The following PDCD1LG2 variants were observed in gnomAD, a reference collection of about 807,000 sequenced individuals.
The protein encoded by PDCD1LG2 is B7 dendritic cell molecule.
In PDCD1LG2, 32 loss-of-function variants were observed where a neutral mutation model predicts 28.2. The observed-to-expected ratio is 1.13, with a 90% confidence interval of 0.86 to 1.52. The LOEUF (loss-of-function observed/expected upper bound fraction) is 1.52, where lower values mean the gene tolerates loss of function less well. Ranked by LOEUF, PDCD1LG2 falls within the 40% of genes most tolerant of loss-of-function variation. The pLI is 0.00. For synonymous variants in PDCD1LG2, 116 were observed against 120.2 expected (o/e 0.97, Z 0.23); for missense variants, 385 against 323.8 (o/e 1.19, Z -1.45).
rs889815798 is a variant in PDCD1LG2, at chr9:5,569,196, G to A, written c.817-758G>A. On this transcript the variant is annotated intron_variant, in intron 6 of 6. Transcript: ENST00000397747. This position sits in a 1 kb window ranked among gnomAD's most constrained non-coding sequence, Gnocchi z 4.1. ...GTTAGATCCTAGCAGGAAATGGAGG[G>A]TATGCTTAGAAGAGGTAACTGAGGC... 3.3e-5 allele frequency among the ~76,000 whole-genome samples: 5 copies of A among 152,284 alleles called. No homozygotes were observed. The South Asian group carries it at 1.0e-3, about 32-fold the overall frequency.
At chr9:5,540,737 A>G (rs551150436) in intron 3 of PDCD1LG2, among the ~76,000 whole-genome samples, 2 of 152,312 alleles carry the variant, frequency 1.3e-5, no homozygotes, top group East Asian at 3.9e-4. Flanking sequence ...TGTCAACAAA[A>G]AAAAATCCAG....
At chr9:5,567,143 T>C (rs1816682280) in intron 6 of PDCD1LG2, among the ~76,000 whole-genome samples, 2 of 152,204 alleles carry the variant, frequency 1.3e-5, no homozygotes, top group South Asian at 2.1e-4. Context: ...ATACATTATA[T>C]AGGACTCTTC....
At chr9:5,559,949 T>C (rs1055477337) in intron 5 of PDCD1LG2, among the ~76,000 whole-genome samples, 1 of 152,212 alleles carries the variant, frequency 6.6e-6, no homozygotes, top group African/African-American at 2.4e-5. Flanking sequence ...AGTTTTCTCA[T>C]ACAATATTGT....
intron 5 of PDCD1LG2, among the ~76,000 whole-genome samples, chr9:5,560,850 C>A (rs1353023818): frequency 6.6e-6 from 1 of 152,106 alleles, no homozygotes; most frequent in African/African-American, 2.4e-5. Flanking sequence ...CATTATTGGT[C>A]CATAAAAGGT....
At chr9:5,527,496 C>T (rs1414965997) in intron 2 of PDCD1LG2, among the ~76,000 whole-genome samples, 1 of 152,150 alleles carries the variant, frequency 6.6e-6, no homozygotes, top group Non-Finnish European at 1.5e-5. Context: ...TAATTTATAC[C>T]TGTTTGCTGT....
In PDCD1LG2 at chr9:5,549,607, A is replaced by C; in HGVS notation, c.631+3A>C. 6.2e-7 allele frequency: 1 copy of C among 1,614,082 alleles called. No homozygotes were observed. The highest frequency in any genetic ancestry group is 1.1e-5 in the South Asian group (1 of 91,078). On this transcript the variant is annotated splice_donor_region_variant and intron_variant, in intron 4 of 6. Transcript: ENST00000397747. ...TTTGGCCAGCATTGACCTTCAAAGTAAGAGCTGCCCCCACTTCCTAGGTCT... is the reference window on the plus strand; with the variant it reads ...TTTGGCCAGCATTGACCTTCAAAGTCAGAGCTGCCCCCACTTCCTAGGTCT...
intron 4 of PDCD1LG2, among the ~76,000 whole-genome samples, chr9:5,550,695 CTCTCT>C (rs1349594162): frequency 1.4e-5 from 2 of 140,748 alleles, no homozygotes; most frequent in African/African-American, 5.4e-5. Flanking sequence ...ATCTCTCTCT[CTCTCT>C]TTTTTTTTTT....
At chr9:5,545,704 TA>T (rs1291196380) in intron 3 of PDCD1LG2, among the ~76,000 whole-genome samples, 1 of 152,180 alleles carries the variant, frequency 6.6e-6, no homozygotes, top group African/African-American at 2.4e-5. Flanking sequence ...TCATCTCTAT[TA>T]CAACTGATAG....
intron 3 of PDCD1LG2, among the ~76,000 whole-genome samples, chr9:5,545,563 A>G (rs1383935302): frequency 6.6e-6 from 1 of 152,224 alleles, no homozygotes; most frequent in East Asian, 1.9e-4. Context: ...ATGATAAAAG[A>G]GTGAGTTCTA....
chr9:5,561,442 C>G (rs1013024914), intron 5 of PDCD1LG2, among the ~76,000 whole-genome samples: 2 of 152,186 alleles, frequency 1.3e-5, no homozygotes, highest in African/African-American at 4.8e-5. Flanking sequence ...CAAAGTCATA[C>G]AGCTGGGATT....
In PDCD1LG2 at chr9:5,535,041, A is replaced by C. The variant is rs757332871; in HGVS notation, c.352A>C (p.Lys118Gln). The C allele has an allele frequency of 4.4e-6, 7 of 1,606,540 alleles. No individual in the cohort carries two copies. The highest frequency in any genetic ancestry group is 2.2e-5 in the South Asian group (2 of 90,422). The change falls in exon 3 of 7, where the codon AAA (lysine) becomes CAA (glutamine). Residue 118 changes from lysine to glutamine, a missense_variant. Physicochemically the swap from Lys to Gln is moderately conservative, Grantham distance 53. Transcript: ENST00000397747. ...CTGGGACTACAAGTACCTGACTCTG[A>C]AAGTCAAAGGTGAGTGGTGTCAAGG... ...VAWDYKYLTL[K>Q]VKASYRKINT...
intron 3 of PDCD1LG2, among the ~76,000 whole-genome samples, chr9:5,548,445 A>G (rs911569509): frequency 6.6e-6 from 1 of 152,378 alleles, no homozygotes; most frequent in East Asian, 1.9e-4. Flanking sequence ...ATTGTGAATC[A>G]TGCTGAAATG....
At chr9:5,536,139 C>T (rs1473914320) in intron 3 of PDCD1LG2, among the ~76,000 whole-genome samples, 1 of 152,160 alleles carries the variant, frequency 6.6e-6, no homozygotes, top group African/African-American at 2.4e-5. Flanking sequence ...AGGGACTGGA[C>T]ATGAGGATGA....
chr9:5,552,238 A>C (rs1337231949), intron 4 of PDCD1LG2, among the ~76,000 whole-genome samples: 3 of 152,194 alleles, frequency 2.0e-5, no homozygotes, highest in African/African-American at 7.2e-5. Context: ...CAAGATTTTC[A>C]TGATAATCAA....
At chr9:5,528,780 G>C (rs1820427723) in intron 2 of PDCD1LG2, among the ~76,000 whole-genome samples, 1 of 152,124 alleles carries the variant, frequency 6.6e-6, no homozygotes, top group Admixed American at 6.5e-5. Flanking sequence ...CAGTCGCCCA[G>C]GCTGGAGTTC....
chr9:5,523,248 G>A (rs1254040542), intron 2 of PDCD1LG2, among the ~76,000 whole-genome samples: 1 of 152,174 alleles, frequency 6.6e-6, no homozygotes, highest in Non-Finnish European at 1.5e-5. Context: ...TCCTGGGGAA[G>A]GTAGTTCAGA....
chr9:5,513,762 C>T (rs1042987420), intron 1 of PDCD1LG2, among the ~76,000 whole-genome samples: 8 of 152,270 alleles, frequency 5.3e-5, no homozygotes, highest in Non-Finnish European at 5.9e-5. Flanking sequence ...GTAAGATCCC[C>T]CCAAAACTCA....
intron 4 of PDCD1LG2, among the ~76,000 whole-genome samples, chr9:5,556,341 T>C (rs556194198): frequency 3.3e-5 from 5 of 152,308 alleles, no homozygotes; most frequent in Admixed American, 6.5e-5. Flanking sequence ...ATAATCAATA[T>C]GGGTTATCCA....
intron 2 of PDCD1LG2, among the ~76,000 whole-genome samples, chr9:5,527,796 T>C (rs1563823311): frequency 6.6e-6 from 1 of 152,056 alleles, no homozygotes; most frequent in Non-Finnish European, 1.5e-5. Flanking sequence ...GTTCTAATTG[T>C]TCCTCATCCT....
Sources: gnomAD v4.1 joint callset for allele counts (sites outside exome capture counted in the v4.1 genomes callset) on GRCh38, gnomAD v4.1.1 for gene constraint, Gnocchi (gnomAD v3.1) non-coding constraint, MANE v1.5 for transcripts, NCBI Gene and HGNC (gene_info 2026-07-23, HGNC 2026-07-21) for gene names.